The following PCNT variants were observed in gnomAD, a reference collection of about 807,000 sequenced individuals.
PCNT encodes kendrin.
Under a neutral mutation model 380.4 loss-of-function variants are expected in PCNT, and 319 were observed. The ratio of observed to expected loss-of-function variants is 0.84; its 90% CI spans 0.77 to 0.92. The LOEUF (loss-of-function observed/expected upper bound fraction) is 0.92. Ranked by LOEUF, PCNT falls within the 40% of genes least tolerant of loss-of-function variation. PCNT has a pLI of 0.00. For missense variants in PCNT, 4,400 were observed against 4,255.3 expected (o/e 1.03, Z -0.95); for synonymous variants, 1,845 against 1,735.2 (o/e 1.06, Z -1.57).
Position 46,411,418 on chromosome 21 carries a change from G to A in PCNT, c.5345G>A (p.Gly1782Asp), listed in dbSNP as rs1333215766. Reference protein sequence around the residue: ...QSELLCSQAGGPRGQALQGEL... With the variant: ...QSELLCSQAGDPRGQALQGEL... Reference sequence around the variant, plus strand: ...GAGCTGCTCTGCTCCCAGGCCGGGGGCCCTCGTGGGCAGGCCCTACAGGGC... The same window carrying A: ...GAGCTGCTCTGCTCCCAGGCCGGGGACCCTCGTGGGCAGGCCCTACAGGGC... Residue 1782 changes from glycine to aspartate, a missense_variant, in exon 28 of 47, where the codon GGC becomes GAC. Transcript: ENST00000359568. 6.2e-7 allele frequency: 1 copy of A among 1,613,016 alleles called. No homozygotes were observed. The highest frequency in any genetic ancestry group is 2.2e-5 in the East Asian group (1 of 44,870).
At chr21:46,341,567 A>G (rs1279213655) in intron 3 of PCNT, among the ~76,000 whole-genome samples, 5 of 152,012 alleles carry the variant, frequency 3.3e-5, no homozygotes, top group Non-Finnish European at 5.9e-5. Context: ...GGATCTCACT[A>G]TATTGACCAG....
chr21:46,366,710 C>G lies in PCNT; in HGVS notation c.2736C>G (p.Leu912=). 2 of 1,613,762 alleles carry G rather than the reference C, an allele frequency of 1.2e-6. No individual in the cohort carries two copies. Among genetic ancestry groups the G allele is most frequent in the Non-Finnish European group, 1.7e-6 (2 of 1,180,038 alleles). Reference sequence around the variant, plus strand: ...TCCAGGAGAGACACCAGCAGCAGCTCCTGTCAGTGACGGCGGAGCTCGAGG... The same window carrying G: ...TCCAGGAGAGACACCAGCAGCAGCTGCTGTCAGTGACGGCGGAGCTCGAGG... ...QLLQERHQQQ[L]LSVTAELEAR... is the part of the protein sequence containing the mutation. Residue 912 remains leucine, a synonymous_variant, in exon 15 of 47, where the codon CTC becomes CTG. Transcript: ENST00000359568.
At chr21:46,426,521 C>T (rs1243537637) in intron 33 of PCNT, among the ~76,000 whole-genome samples, 1 of 152,168 alleles carries the variant, frequency 6.6e-6, no homozygotes, top group Non-Finnish European at 1.5e-5. Context: ...TGAGAGTGGT[C>T]CCTCCTGGCC....
At chr21:46,433,857 C>T (rs1367188933) in intron 38 of PCNT, among the ~76,000 whole-genome samples, 1 of 152,290 alleles carries the variant, frequency 6.6e-6, no homozygotes, top group African/African-American at 2.4e-5. Flanking sequence ...CTGCAACCTC[C>T]ACCTCCCGGG....
chr21:46,432,359 C>A, intron 38 of PCNT, 144 bp downstream of exon 38: 1 of 770,240 alleles, frequency 1.3e-6, no homozygotes, highest in Non-Finnish European at 2.2e-6. Context: ...GCTGGCACCA[C>A]ACTGCTGTTA....
In PCNT at chr21:46,416,043, G is replaced by A. The variant is rs201111857; in HGVS notation, c.6151-26G>A. On this transcript the variant is annotated intron_variant, in intron 29 of 46. Coordinates refer to ENST00000359568, the MANE Select transcript of PCNT (RefSeq NM_006031.6). ...CTCCTGGTGAGCCAGGTATTCCACC[G>A]TGCACCTGTTCTGTTTCACCTGCAG... The A allele has an allele frequency of 3.1e-4, 505 of 1,613,028 alleles. 3 individuals carry two copies. The African/African-American group carries it at 5.7e-3, about 18-fold the overall frequency.
chr21:46,437,124 C>A (rs751323516), intron 40 of PCNT, 43 bp downstream of exon 40: 3 of 1,280,044 alleles, frequency 2.3e-6, no homozygotes, highest in Admixed American at 3.4e-5. Context: ...GGCTCCTCCC[C>A]CAGAGGGGCC....
intron 21 of PCNT, among the ~76,000 whole-genome samples, chr21:46,392,494 C>A (rs1447656426): frequency 6.6e-6 from 1 of 152,158 alleles, no homozygotes; most frequent in Non-Finnish European, 1.5e-5. Context: ...GTGCTGGGAT[C>A]GCAGGCGTGA....
intron 3 of PCNT, among the ~76,000 whole-genome samples, chr21:46,337,876 G>T (rs542921234): frequency 6.6e-6 from 1 of 151,834 alleles, no homozygotes; most frequent in Admixed American, 6.6e-5. Context: ...GAGCCACCGC[G>T]CAGACTGTTT....
chr21:46,404,122 A>G (rs1294937199), intron 27 of PCNT, among the ~76,000 whole-genome samples: 2 of 132,302 alleles, frequency 1.5e-5, no homozygotes. Flanking sequence ...GTGAATGAAC[A>G]TAGCGTGGGA....
In PCNT at chr21:46,346,617, C is replaced by G. The variant is rs1332049338; in HGVS notation, c.721-126C>G. The G allele has an allele frequency of 2.4e-6, 3 of 1,242,278 alleles. No individual in the cohort carries two copies. In the Admixed American group the frequency reaches 6.0e-5, roughly 25 times the overall value. The allele number at this position is 1,242,278 out of a possible 1,614,324, so 77.0% of individuals were successfully genotyped here. The stretch of plus-strand genomic sequence containing the variant: ...GGGCCTCTGTGTCCTGCCCCTGCTT[C>G]CACGGGATGTCTGCTGTTTCATTTT... On this transcript the variant is annotated intron_variant, in intron 4 of 46. Transcript: ENST00000359568.
intron 25 of PCNT, 141 bp downstream of exon 25, chr21:46,399,937 G>A: frequency 1.3e-6 from 1 of 786,566 alleles, no homozygotes; most frequent in African/African-American, 1.7e-5. Flanking sequence ...CTGGCGTCAG[G>A]GAGAAACAGA....
At chr21:46,437,770 C>T (rs1292571189) in intron 40 of PCNT, among the ~76,000 whole-genome samples, 1 of 152,214 alleles carries the variant, frequency 6.6e-6, no homozygotes, top group Non-Finnish European at 1.5e-5. Context: ...TGCACCCTGC[C>T]CCCTGTGTTG....
At chr21:46,397,132 G>A (rs2086235943) in intron 21 of PCNT, 133 bp from the exon 22 acceptor site, 3 of 735,728 alleles carry the variant, frequency 4.1e-6, no homozygotes, top group Non-Finnish European at 7.3e-6. Flanking sequence ...TAAAAGATGG[G>A]CGTTTTACCC....
rs1274672798 is a variant in PCNT, at chr21:46,416,913, ATT to A, written c.6921+75_6921+76del. 2.0e-6 allele frequency: 3 copies of A among 1,492,374 alleles called. No individual in the cohort carries two copies. The African/African-American group carries it at 4.1e-5, about 21-fold the overall frequency. 92.4% of individuals were successfully genotyped at this position (1,492,374 alleles called of 1,614,324 possible). The stretch of plus-strand genomic sequence containing the variant: ...TCTGCCCGGCGCCACGGCAGCTGCC[ATT>A]GTTTGTTCACCTCCTGACAGCACAC... On this transcript the variant is annotated intron_variant, in intron 30 of 46. Coordinates refer to ENST00000359568, the MANE Select transcript of PCNT (RefSeq NM_006031.6).
At position 46,385,862 on chromosome 21, in the gene PCNT, G is replaced by T. The variant is rs754952117; in HGVS notation, c.3343G>T (p.Glu1115Ter). ...AGACCAGGTTTTATCCTTAAGTCAC[G>T]AGATAGAAGAGTGCCGCTCCGAGTT... ...LKDQVLSLSH[E>*]IEECRSELEV... is the part of the protein sequence containing the mutation. The change falls in exon 17 of 47, where the codon GAG becomes TAG. Residue 1115 changes from glutamate (E) to a stop codon, truncating the protein, a stop_gained. Transcript: ENST00000359568. LOFTEE classifies it high-confidence loss of function. The T allele has an allele frequency of 3.7e-6, 6 of 1,614,162 alleles. No individual in the cohort carries two copies. The South Asian group carries it at 6.6e-5, about 18-fold the overall frequency.
chr21:46,442,699 G>GAATTCCGTC, intron 44 of PCNT, 126 bp downstream of exon 44: 1 of 739,636 alleles, frequency 1.4e-6, no homozygotes, highest in Non-Finnish European at 2.4e-6. Context: ...GAAAATCCGT[G>GAATTCCGTC]AATTCCGTCA....
In PCNT at chr21:46,397,426, G is replaced by A. The variant is rs766688176; in HGVS notation, c.4378G>A (p.Val1460Ile). ...CGGGTGTGCCAAGCAGGCGGAGGCC[G>A]TCACTGCCCTGGAACAGCAGGTGGC... ...HRGCAKQAEA[V>I]TALEQQVASL... Residue 1460 changes from valine (V) to isoleucine (I), a missense_variant, in exon 22 of 47, where the codon GTC (valine) becomes ATC (isoleucine). By Grantham distance (29) the Val-to-Ile change is conservative. Coordinates refer to ENST00000359568, the MANE Select transcript of PCNT (RefSeq NM_006031.6). The A allele has an allele frequency of 6.2e-5, 100 of 1,614,066 alleles. No homozygotes were observed. Among genetic ancestry groups the A allele is most frequent in the African/African-American group, 1.3e-4 (10 of 74,950 alleles).
rs115728365 is a variant in PCNT at position 46,418,823 on chromosome 21, C to T, written c.7024+517C>T. ...GGAGCCGAGGGGCCGCTGACTGTGGCGTGTCCTCGCGATGGTGCGTGGGGG... is the reference window on the plus strand; with the variant it reads ...GGAGCCGAGGGGCCGCTGACTGTGGTGTGTCCTCGCGATGGTGCGTGGGGG... On this transcript the variant is annotated intron_variant, in intron 31 of 46. Coordinates refer to ENST00000359568, the MANE Select transcript of PCNT (RefSeq NM_006031.6). Among the ~76,000 whole-genome samples, 1,070 of 152,338 alleles carry T rather than the reference C, an allele frequency of 7.0e-3. 15 individuals carry two copies. Among genetic ancestry groups the T allele is most frequent in the African/African-American group, 0.024 (1,018 of 41,576 alleles).
Sources: allele counts gnomAD v4.1 joint callset (sites outside exome capture counted in the v4.1 genomes callset), GRCh38; gene constraint gnomAD v4.1.1; transcripts MANE v1.5; gene names NCBI Gene and HGNC (gene_info 2026-07-23, HGNC 2026-07-21).